Variants in NOB1 observed in about 807,000 individuals in gnomAD.
NOB1 encodes NIN1 (RPN12) binding protein 1 homolog.
NOB1 carries 44 observed loss-of-function variants against 44.8 expected under a neutral mutation model. The observed-to-expected ratio is 0.98, with a 90% confidence interval of 0.77 to 1.26. NOB1 has a LOEUF of 1.26. Ranked by LOEUF, NOB1 falls within the 50% of genes most tolerant of loss-of-function variation. The probability of loss-of-function intolerance (pLI) is 0.00; values close to 1 mark genes in which losing one functional copy is unlikely to be tolerated. For synonymous variants in NOB1, 238 were observed against 218.7 expected (o/e 1.09, Z -0.78); for missense variants, 560 against 544.8 (o/e 1.03, Z -0.28).
At chr16:69,749,188 A>G (rs2038460506) in intron 5 of NOB1, 25 bp downstream of exon 5, 1 of 1,613,138 alleles carries the variant, frequency 6.2e-7, no homozygotes, top group Non-Finnish European at 8.5e-7. Flanking sequence ...AGCTGTCGTC[A>G]GAAGACCAAA....
chr16:69,745,052 G>C (rs966201885), intron 7 of NOB1, 35 bp from the exon 8 acceptor site: 2 of 1,609,926 alleles, frequency 1.2e-6, no homozygotes, highest in Non-Finnish European at 1.7e-6. Flanking sequence ...CTGTACCAAA[G>C]CCACAGGCAG....
At position 69,742,579 on chromosome 16, in the gene NOB1, C is replaced by T. The variant is rs751735190; in HGVS notation, c.992G>A (p.Gly331Glu). 2 of 1,614,058 alleles carry T rather than the reference C, an allele frequency of 1.2e-6. No homozygotes were observed. The highest frequency in any genetic ancestry group is 3.3e-5 in the Admixed American group (2 of 59,972). ...GLRYSLPTPK[G>E]GKYAINPHLT... ...ATGGGGGTTGATGGCGTATTTGCCC[C>T]CTTTGGGAGTGGGAAGCGAGTACTG... Residue 331 changes from glycine (G) to glutamate (E), a missense_variant, in exon 9 of 9, where the codon GGG becomes GAG. Physicochemically the swap from Gly to Glu is moderately conservative, Grantham distance 98. Transcript: ENST00000268802.
At position 69,752,384 on chromosome 16, in the gene NOB1, G is replaced by C; in HGVS notation, c.197-13C>G. The C allele has an allele frequency of 6.2e-7, 1 of 1,607,770 alleles. No homozygotes were observed. The highest frequency in any genetic ancestry group is 8.5e-7 in the Non-Finnish European group (1 of 1,174,682). ...GAAAACTCAGTCACTGTAAACAACA[G>C]ATTTACATCTTCAGTTAGAGGTAAA... On this transcript the variant is annotated splice_polypyrimidine_tract_variant and intron_variant, in intron 2 of 8. Coordinates refer to ENST00000268802, the MANE Select transcript of NOB1 (RefSeq NM_014062.3).
chr16:69,742,387 C>T lies in NOB1; in HGVS notation c.1184G>A (p.Gly395Glu), dbSNP rs753620220. The change falls in exon 9 of 9, where the codon GGG becomes GAG. Residue 395 changes from glycine to glutamate, a missense_variant. Physicochemically the swap from Gly to Glu is moderately conservative, Grantham distance 98. Coordinates refer to ENST00000268802, the MANE Select transcript of NOB1 (RefSeq NM_014062.3). Reference sequence around the variant, plus strand: ...AGCGTTGGGATTTAAGCGTCTCCGCCCAGCTCCCAAGGTGCTGTCCCGGAC... The same window carrying T: ...AGCGTTGGGATTTAAGCGTCTCCGCTCAGCTCCCAAGGTGCTGTCCCGGAC... ...LQVRDSTLGAGRRRLNPNASR... is the reference protein window; with the variant it reads ...LQVRDSTLGAERRRLNPNASR... 84 of 1,614,126 alleles carry T rather than the reference C, an allele frequency of 5.2e-5. No homozygotes were observed. Among genetic ancestry groups the T allele is most frequent in the Non-Finnish European group, 6.7e-5 (79 of 1,180,048 alleles).
intron 6 of NOB1, 36 bp downstream of exon 6, chr16:69,748,882 C>G (rs1199995850): frequency 6.5e-7 from 1 of 1,527,896 alleles, no homozygotes; most frequent in African/African-American, 1.4e-5. Context: ...CTGCCGATGA[C>G]GTGTGTGACA....
At chr16:69,753,801 T>C (rs890412685) in intron 2 of NOB1, among the ~76,000 whole-genome samples, 1 of 152,136 alleles carries the variant, frequency 6.6e-6, no homozygotes, top group African/African-American at 2.4e-5. Flanking sequence ...AATTCTTTAA[T>C]TTTCTTTATT....
At chr16:69,745,082 C>A in intron 7 of NOB1, 65 bp from the exon 8 acceptor site, 1 of 1,572,278 alleles carries the variant, frequency 6.4e-7, no homozygotes, top group Non-Finnish European at 8.7e-7. Flanking sequence ...CCCCAGAGCA[C>A]AAGGTGGGTC....
intron 3 of NOB1, 66 bp from the exon 4 acceptor site, chr16:69,749,696 G>A (rs11646303): frequency 0.035 from 37,567 of 1,084,376 alleles, 907 homozygotes; most frequent in East Asian, 0.11. Context: ...TTTTTTTTTT[G>A]GCCGGGCACG....
At chr16:69,752,957 C>T (rs530226116) in intron 2 of NOB1, among the ~76,000 whole-genome samples, 3 of 151,464 alleles carry the variant, frequency 2.0e-5, no homozygotes, top group African/African-American at 4.9e-5. Context: ...AAAGTTGGGG[C>T]GTGGTGGCTC....
intron 7 of NOB1, among the ~76,000 whole-genome samples, chr16:69,746,953 G>A (rs2038436922): frequency 6.6e-6 from 1 of 152,000 alleles, no homozygotes; most frequent in African/African-American, 2.4e-5. Context: ...GCCAGGCGCG[G>A]TGGCTCATGC....
intron 6 of NOB1, 132 bp from the exon 7 acceptor site, chr16:69,748,461 G>A: frequency 1.4e-6 from 1 of 739,672 alleles, no homozygotes; most frequent in Non-Finnish European, 2.3e-6. Flanking sequence ...AGCCTGGGGA[G>A]GCCTCTCAAG....
rs536859317 is a variant in NOB1, at chr16:69,748,707, C to T, written c.726+211G>A. On this transcript the variant is annotated intron_variant, in intron 6 of 8. Transcript: ENST00000268802. ...TCATAAAAAAATCATAAATAGTAAA[C>T]GTTAAACATTTAATGTACTATACAA... is the stretch of plus-strand genomic sequence containing the variant. 144 of 543,746 alleles carry T rather than the reference C, an allele frequency of 2.6e-4. 1 individual carries two copies. In the South Asian group the frequency reaches 4.0e-3, roughly 15 times the overall value. The allele number at this position is 543,746 out of a possible 1,614,324, so 33.7% of individuals were successfully genotyped here.
At chr16:69,742,626 A>G in intron 8 of NOB1, 25 bp from the exon 9 acceptor site, 3 of 1,610,972 alleles carry the variant, frequency 1.9e-6, no homozygotes, top group South Asian at 1.1e-5. Flanking sequence ...AGGAAGGGCC[A>G]TTAGAAGAAG....
chr16:69,751,639 A>G (rs906882121), intron 3 of NOB1, among the ~76,000 whole-genome samples: 8 of 152,276 alleles, frequency 5.3e-5, no homozygotes, highest in African/African-American at 1.9e-4. Flanking sequence ...TGGATATTTG[A>G]TAACAGGCAT....
At chr16:69,753,163 A>T (rs1240345850) in intron 2 of NOB1, among the ~76,000 whole-genome samples, 2 of 152,216 alleles carry the variant, frequency 1.3e-5, no homozygotes, top group African/African-American at 2.4e-5. Flanking sequence ...TGGAGGCTGC[A>T]GTGAGCCAAG....
At position 69,748,239 on chromosome 16, in the gene NOB1, A is replaced by C; in HGVS notation, c.817T>G (p.Cys273Gly). The C allele has an allele frequency of 6.2e-7, 1 of 1,613,126 alleles. No homozygotes were observed. The highest frequency in any genetic ancestry group is 2.2e-5 in the East Asian group (1 of 44,860). The change falls in exon 7 of 9, where the codon TGT becomes GGT. Residue 273 changes from cysteine to glycine, a missense_variant. By Grantham distance (159) the Cys-to-Gly change is radical (BLOSUM62 -3). Transcript: ENST00000268802. Reference protein sequence around the residue: ...ARSYILRCHGCFKTTSDMSRV... With the variant: ...ARSYILRCHGGFKTTSDMSRV... ...AGGGCACCAGCTACATACTTGAAACAGCCATGGCAGCGCAAGATGTAGCTC... is the reference window on the plus strand; with the variant it reads ...AGGGCACCAGCTACATACTTGAAACCGCCATGGCAGCGCAAGATGTAGCTC...
chr16:69,742,676 A>G (rs2038395039), intron 8 of NOB1, 75 bp from the exon 9 acceptor site: 1 of 1,497,882 alleles, frequency 6.7e-7, no homozygotes, highest in Non-Finnish European at 9.2e-7. Context: ...GGTAAGGTGC[A>G]GCCGACCTTG....
At position 69,754,885 on chromosome 16, in the gene NOB1, G is replaced by C; in HGVS notation, c.26C>G (p.Ala9Gly). The part of the protein sequence containing the change: MAPVEHVV[A>G]DAGAFLRHAA... ...ATGCCGCAGGAAAGCCCCAGCATCC[G>C]CCACAACGTGCTCCACTGGAGCCAT... The change falls in exon 1 of 9, where the codon GCG becomes GGG. Residue 9 changes from alanine to glycine, a missense_variant. Transcript: ENST00000268802. 6.3e-7 allele frequency: 1 copy of C among 1,594,964 alleles called. No homozygotes were observed. Among genetic ancestry groups the C allele is most frequent in the Non-Finnish European group, 8.5e-7 (1 of 1,171,932 alleles).
chr16:69,746,995 C>T (rs997742573), intron 7 of NOB1, among the ~76,000 whole-genome samples: 1 of 150,996 alleles, frequency 6.6e-6, no homozygotes, highest in Non-Finnish European at 1.5e-5. Context: ...AGGCTGAGTT[C>T]GGCGGATCAG....
Sources: allele counts gnomAD v4.1 joint callset (sites outside exome capture counted in the v4.1 genomes callset), GRCh38; gene constraint gnomAD v4.1.1; transcripts MANE v1.5; gene names NCBI Gene and HGNC (gene_info 2026-07-23, HGNC 2026-07-21).